Variants in MFF observed in about 807,000 individuals in gnomAD.
MFF encodes the protein mitochondrial fission factor.
In MFF, 12 loss-of-function variants were observed where a neutral mutation model predicts 36.9. That is an observed-to-expected ratio of 0.33 (90% confidence interval 0.21 to 0.53). The LOEUF is 0.53. Ranked by LOEUF, MFF falls within the 20% of genes least tolerant of loss-of-function variation. The pLI is 0.95. For synonymous variants in MFF, 99 were observed against 126.2 expected, an observed-to-expected ratio of 0.78 and a Z score of 1.44; for missense variants, 348 against 366.6, an observed-to-expected ratio of 0.95 and a Z score of 0.42.
chr2:227,334,693 T>C (rs1471033926), intron 4 of MFF, among the ~76,000 whole-genome samples: 1 of 152,168 alleles, frequency 6.6e-6, no homozygotes, highest in Non-Finnish European at 1.5e-5. Context: ...CTTTTTGCAC[T>C]GTAGAATGTT....
chr2:227,337,557 G>A (rs1432975112), intron 4 of MFF, among the ~76,000 whole-genome samples: 2 of 152,126 alleles, frequency 1.3e-5, no homozygotes, highest in Non-Finnish European at 2.9e-5. Flanking sequence ...TTTAACTTGG[G>A]GTGTAAGCAT....
chr2:227,356,895 AATT>A, intron 8 of MFF, 88 bp from the exon 9 acceptor site: 1 of 1,019,642 alleles, frequency 9.8e-7, no homozygotes, highest in South Asian at 2.0e-5. Context: ...TTTGTTGACA[AATT>A]ATTATACTAC....
intron 6 of MFF, among the ~76,000 whole-genome samples, chr2:227,349,996 A>T (rs946947611): frequency 6.6e-6 from 1 of 152,182 alleles, no homozygotes; most frequent in Non-Finnish European, 1.5e-5. Context: ...AGTAATGCAG[A>T]TTCACAATTC....
chr2:227,327,201 C>T (rs1362906215), intron 1 of MFF, among the ~76,000 whole-genome samples: 1 of 151,234 alleles, frequency 6.6e-6, no homozygotes, highest in Non-Finnish European at 1.5e-5. Context: ...ATGAAGTTGG[C>T]AAGTTAGTTA....
intron 6 of MFF, among the ~76,000 whole-genome samples, chr2:227,349,660 A>G (rs1017330537): frequency 6.6e-6 from 1 of 152,130 alleles, no homozygotes; most frequent in African/African-American, 2.4e-5. Context: ...GCAAGATTTT[A>G]TCAGAATTTT....
intron 3 of MFF, among the ~76,000 whole-genome samples, chr2:227,331,549 G>GT (rs2074570638): frequency 6.6e-6 from 1 of 152,186 alleles, no homozygotes; most frequent in Non-Finnish European, 1.5e-5. Context: ...TTATATACAA[G>GT]TTATTTTCAA....
In MFF at chr2:227,330,733, T is replaced by A. The variant is rs768927810; in HGVS notation, c.68T>A (p.Val23Asp). 1 of 1,614,130 alleles carries A rather than the reference T, an allele frequency of 6.2e-7. No individual in the cohort carries two copies. The highest frequency in any genetic ancestry group is 1.1e-5 in the South Asian group (1 of 91,082). Residue 23 changes from valine to aspartate, a missense_variant, in exon 3 of 9, where the codon GTC becomes GAC. Physicochemically the swap from Val to Asp is radical, Grantham distance 152. Coordinates refer to ENST00000304593, the MANE Select transcript of MFF (RefSeq NM_001277062.2). Reference protein sequence around the residue: ...YTEGISQRMRVPEKLKVAPPN... With the variant: ...YTEGISQRMRDPEKLKVAPPN... ...GAAGGCATTAGTCAGCGAATGAGGG[T>A]CCCAGAAAAGTTAAAAGTAGCACCG...
chr2:227,340,147 C>A (rs1471458857), intron 4 of MFF, 145 bp from the exon 5 acceptor site: 3 of 587,042 alleles, frequency 5.1e-6, no homozygotes, highest in Non-Finnish European at 9.1e-6. Flanking sequence ...CAGTAATACA[C>A]TGCCTGGCAG....
intron 7 of MFF, 78 bp from the exon 8 acceptor site, chr2:227,355,599 C>A: frequency 1.3e-6 from 1 of 779,382 alleles, no homozygotes; most frequent in Non-Finnish European, 2.2e-6. Context: ...TTGAGCATTA[C>A]ACAAAGCATG....
intron 1 of MFF, among the ~76,000 whole-genome samples, chr2:227,326,635 C>T (rs1424403772): frequency 6.6e-6 from 1 of 152,106 alleles, no homozygotes; most frequent in Admixed American, 6.5e-5. Context: ...GGGTTCATAA[C>T]CTTATTTTAA....
At chr2:227,345,242 A>T (rs1225060202) in intron 5 of MFF, among the ~76,000 whole-genome samples, 1 of 152,230 alleles carries the variant, frequency 6.6e-6, no homozygotes, top group African/African-American at 2.4e-5. Context: ...TCTTAGAGGA[A>T]GTAACCCTTC....
chr2:227,347,006 T>C (rs2106432090), intron 5 of MFF: 1 of 425,318 alleles, frequency 2.4e-6, no homozygotes, highest in South Asian at 4.4e-5. Flanking sequence ...AGTTTATTTA[T>C]TTTGATGTTT....
chr2:227,341,539 C>T lies in MFF; in HGVS notation c.440+1159C>T, dbSNP rs191760200. ...CAGGGAATGCTTATGCAAGATTCAA[C>T]CATTAGTAATATAAAATTTTTTGAT... is the stretch of plus-strand genomic sequence containing the variant. On this transcript the variant is annotated intron_variant, in intron 5 of 8. Coordinates refer to ENST00000304593, the MANE Select transcript of MFF (RefSeq NM_001277062.2). 3.6e-3 allele frequency among the ~76,000 whole-genome samples: 547 copies of T among 152,114 alleles called. 15 individuals are homozygous for T. The highest frequency in any genetic ancestry group is 0.034 in the Admixed American group (518 of 15,290).
intron 4 of MFF, among the ~76,000 whole-genome samples, chr2:227,337,155 G>A (rs549080674): frequency 5.9e-5 from 9 of 152,358 alleles, no homozygotes; most frequent in African/African-American, 1.9e-4. Flanking sequence ...TTCAGAGATG[G>A]ACACTTGCGT....
intron 3 of MFF, among the ~76,000 whole-genome samples, chr2:227,331,452 T>A (rs538251762): frequency 6.6e-6 from 1 of 152,374 alleles, no homozygotes; most frequent in Non-Finnish European, 1.5e-5. Flanking sequence ...TGTTTGAAGC[T>A]GTTAGGATTA....
intron 4 of MFF, 119 bp downstream of exon 4, chr2:227,332,707 A>G (rs112756047): frequency 1.1e-4 from 66 of 618,438 alleles, no homozygotes; most frequent in African/African-American, 9.7e-4. Flanking sequence ...CATATGGAAC[A>G]TTACTAATAA....
chr2:227,340,615 A>AGATGGTGAACT, intron 5 of MFF: 1 of 419,762 alleles, frequency 2.4e-6, no homozygotes, highest in South Asian at 2.9e-5. Flanking sequence ...AGTTGTCATA[A>AGATGGTGAACT]GATGGTGAAC....
At chr2:227,343,168 AT>A (rs147027013) in intron 5 of MFF, among the ~76,000 whole-genome samples, 186 of 146,492 alleles carry the variant, frequency 1.3e-3, no homozygotes, top group Non-Finnish European at 1.2e-3. Context: ...AGTGATCCCA[AT>A]TTTTTTTTTT....
At chr2:227,349,592 C>T (rs757382254) in intron 6 of MFF, among the ~76,000 whole-genome samples, 6 of 152,016 alleles carry the variant, frequency 3.9e-5, no homozygotes, top group South Asian at 2.1e-4. Flanking sequence ...GTCTTATTGA[C>T]GCTTTCAGTA....
Sources: allele counts gnomAD v4.1 joint callset (sites outside exome capture counted in the v4.1 genomes callset), GRCh38; gene constraint gnomAD v4.1.1; transcripts MANE v1.5; gene names NCBI Gene and HGNC (gene_info 2026-07-23, HGNC 2026-07-21).